The following VCAM1 variants were observed in gnomAD, a reference collection of about 807,000 sequenced individuals.
The protein encoded by VCAM1 is vascular cell adhesion molecule 1.
In VCAM1, 41 loss-of-function variants were observed where a neutral mutation model predicts 63.8. The observed-to-expected ratio is 0.64, with a 90% CI of 0.50 to 0.83. VCAM1 has a LOEUF of 0.83. Ranked by LOEUF, VCAM1 falls within the 40% of genes least tolerant of loss-of-function variation. VCAM1 has a pLI of 0.00. For missense variants in VCAM1, 798 were observed against 875.5 expected, an observed-to-expected ratio of 0.91 and a Z score of 1.12; for synonymous variants, 338 against 320.7, an observed-to-expected ratio of 1.05 and a Z score of -0.58.
At position 100,731,176 on chromosome 1, in the gene VCAM1, C is replaced by A; in HGVS notation, c.1205-22C>A. The A allele has an allele frequency of 5.8e-6, 9 of 1,563,382 alleles. No homozygotes were observed. The highest frequency in any genetic ancestry group is 1.2e-5 in the South Asian group (1 of 83,200). ...TTCCTTGAATATCAAGAATAAAAATCGTTTTTGCTTGCGATTTGCAGCATT... is the reference window on the plus strand; with the variant it reads ...TTCCTTGAATATCAAGAATAAAAATAGTTTTTGCTTGCGATTTGCAGCATT... On this transcript the variant is annotated intron_variant, in intron 5 of 8. Transcript: ENST00000294728. The surrounding 1 kb of genome is among the most constrained non-coding windows in gnomAD (Gnocchi z 4.2).
At chr1:100,728,878 T>G (rs1255967286) in intron 4 of VCAM1, among the ~76,000 whole-genome samples, 1 of 151,964 alleles carries the variant, frequency 6.6e-6, no homozygotes, top group Admixed American at 6.6e-5. Context: ...CTTGACAAAT[T>G]TTTATCTATT....
At position 100,720,561 on chromosome 1, in the gene VCAM1, A is replaced by C; in HGVS notation, c.150A>C (p.Thr50=). ...GDSVSLTCST[T]GCESPFFSWR... The stretch of plus-strand genomic sequence containing the variant: ...CCGTCTCATTGACTTGCAGCACCAC[A>C]GGCTGTGAGTCCCCATTTTTCTCTT... The change falls in exon 2 of 9, where the codon ACA becomes ACC. Residue 50 remains threonine, a synonymous_variant. Coordinates refer to ENST00000294728, the MANE Select transcript of VCAM1 (RefSeq NM_001078.4). 6.2e-7 allele frequency: 1 copy of C among 1,613,342 alleles called. No individual in the cohort carries two copies. Among genetic ancestry groups the C allele is most frequent in the Non-Finnish European group, 8.5e-7 (1 of 1,179,534 alleles).
intron 7 of VCAM1, 140 bp downstream of exon 7, chr1:100,732,824 TG>T: frequency 1.1e-6 from 1 of 923,554 alleles, no homozygotes; most frequent in Non-Finnish European, 1.5e-6. Flanking sequence ...ATGTTTCCAA[TG>T]TATGGAGAAA....
chr1:100,736,458 T>C (rs927452270), intron 8 of VCAM1: 17 of 152,294 alleles, frequency 1.1e-4, no homozygotes, highest in African/African-American at 4.1e-4. Flanking sequence ...TTAAAAGATA[T>C]TCAGTGTTTA....
intron 2 of VCAM1, among the ~76,000 whole-genome samples, chr1:100,721,597 C>T (rs1414654371): frequency 1.3e-5 from 2 of 152,008 alleles, no homozygotes; most frequent in African/African-American, 4.8e-5. Context: ...ATTATAATTA[C>T]TTTGGTTTCG....
Position 100,720,478 on chromosome 1 carries a change from C to G in VCAM1, c.67C>G (p.Gln23Glu). ...TCTGTCTTTTTTTGCTTTTGCAGCT[C>G]AAGCTTTTAAAATCGAGACCACCCC... ...NILWIMFAASQAFKIETTPES... is the reference protein window; with the variant it reads ...NILWIMFAASEAFKIETTPES... The change falls in exon 2 of 9, where the codon CAA (glutamine) becomes GAA (glutamate). Residue 23 changes from glutamine to glutamate, a missense_variant and splice_region_variant. Coordinates refer to ENST00000294728, the MANE Select transcript of VCAM1 (RefSeq NM_001078.4). 1 of 1,603,948 alleles carries G rather than the reference C, an allele frequency of 6.2e-7. No homozygotes were observed. The highest frequency in any genetic ancestry group is 8.5e-7 in the Non-Finnish European group (1 of 1,173,390).
rs1181516807 is a variant in VCAM1, at chr1:100,738,936, A to G, written c.*653A>G. 1.3e-5 allele frequency: 2 copies of G among 151,976 alleles called. No homozygotes were observed. Among genetic ancestry groups the G allele is most frequent in the Admixed American group, 1.3e-4 (2 of 15,266 alleles). 9.4% of individuals were successfully genotyped at this position (151,976 alleles called of 1,614,324 possible). A position where few individuals can be genotyped will look rare whatever the true frequency, so the allele number is the denominator to read the frequency against. ...ATGTTTCACGAAGTTTGTTCATCAG[A>G]CTCCTGTGCAACTTTCCCAATGTGG... On this transcript the variant is annotated 3_prime_UTR_variant, in exon 9 of 9. Coordinates refer to ENST00000294728, the MANE Select transcript of VCAM1 (RefSeq NM_001078.4).
At chr1:100,726,539 CT>C (rs1188443457) in intron 4 of VCAM1, among the ~76,000 whole-genome samples, 1 of 152,028 alleles carries the variant, frequency 6.6e-6, no homozygotes, top group Non-Finnish European at 1.5e-5. Flanking sequence ...CTGGCAAAAT[CT>C]TAGCCATTCT....
At chr1:100,733,591 A>G (rs2209627) in intron 7 of VCAM1, among the ~76,000 whole-genome samples, 25,393 of 152,154 alleles carry the variant, frequency 0.17, 2,329 homozygotes, top group Admixed American at 0.24. Context: ...AAAATAGAAG[A>G]CCTTAATAGG....
Position 100,738,176 on chromosome 1 carries a change from G to A in VCAM1, c.2113G>A (p.Ala705Thr). The change falls in exon 9 of 9, where the codon GCA becomes ACA. Residue 705 changes from alanine (A) to threonine (T), a missense_variant. Physicochemically the swap from Ala to Thr is moderately conservative, Grantham distance 58. Coordinates refer to ENST00000294728, the MANE Select transcript of VCAM1 (RefSeq NM_001078.4). ...FSPELLVLYF[A>T]SSLIIPAIGM... ...TCCTGAGCTTCTCGTGCTCTATTTT[G>A]CATCCTCCTTAATAATACCTGCCAT... is the stretch of plus-strand genomic sequence containing the variant. The A allele has an allele frequency of 6.2e-7, 1 of 1,613,710 alleles. No homozygotes were observed. The highest frequency in any genetic ancestry group is 8.5e-7 in the Non-Finnish European group (1 of 1,179,762).
intron 8 of VCAM1, chr1:100,737,121 G>C (rs545712551): frequency 5.9e-5 from 9 of 152,094 alleles, no homozygotes; most frequent in Non-Finnish European, 1.2e-4. Flanking sequence ...TAAAGTTTTT[G>C]TATGCTGTTA....
In VCAM1 at chr1:100,732,741, C is replaced by A. The variant is rs939626673; in HGVS notation, c.1792+57C>A. ...GCTAGTAATGTTTTTGGTTATGTTA[C>A]TGATTATGAGTAAAGTCTTTGAAAA... is the stretch of plus-strand genomic sequence containing the variant. On this transcript the variant is annotated intron_variant, in intron 7 of 8. Transcript: ENST00000294728. 16 of 1,488,486 alleles carry A rather than the reference C, an allele frequency of 1.1e-5. No individual in the cohort carries two copies. In the African/African-American group the frequency reaches 2.1e-4, roughly 20 times the overall value. 92.2% of individuals were successfully genotyped at this position (1,488,486 alleles called of 1,614,324 possible).
chr1:100,732,194 A>C (rs987211623), intron 6 of VCAM1, among the ~76,000 whole-genome samples: 1 of 152,168 alleles, frequency 6.6e-6, no homozygotes, highest in African/African-American at 2.4e-5. Flanking sequence ...GGAAGTGTAT[A>C]CTGAACTTAC....
chr1:100,720,659 A>C lies in VCAM1; in HGVS notation c.248A>C (p.Asn83Thr). ...NEGTTSTLTMNPVSFGNEHSY... is the reference protein window; with the variant it reads ...NEGTTSTLTMTPVSFGNEHSY... The stretch of plus-strand genomic sequence containing the variant: ...GGGACCACATCTACGCTGACAATGA[A>C]TCCTGTTAGTTTTGGGAACGAACAC... Residue 83 changes from asparagine to threonine, a missense_variant, in exon 2 of 9, where the codon AAT (asparagine) becomes ACT (threonine). Coordinates refer to ENST00000294728, the MANE Select transcript of VCAM1 (RefSeq NM_001078.4). 1 of 1,613,258 alleles carries C rather than the reference A, an allele frequency of 6.2e-7. No homozygotes were observed. The highest frequency in any genetic ancestry group is 8.5e-7 in the Non-Finnish European group (1 of 1,179,536).
At chr1:100,721,982 A>C (rs1659969387) in intron 2 of VCAM1, among the ~76,000 whole-genome samples, 1 of 152,082 alleles carries the variant, frequency 6.6e-6, no homozygotes, top group Admixed American at 6.6e-5. Flanking sequence ...AAGATTTAAG[A>C]AAGAGAAATG....
intron 2 of VCAM1, among the ~76,000 whole-genome samples, chr1:100,721,308 T>C (rs1659941906): frequency 6.6e-6 from 1 of 152,054 alleles, no homozygotes. Context: ...TTAGGATTTT[T>C]TTTTGGTTTT....
At chr1:100,723,382 C>T (rs1295086621) in intron 3 of VCAM1, 42 bp downstream of exon 3, 9 of 1,585,200 alleles carry the variant, frequency 5.7e-6, no homozygotes, top group Non-Finnish European at 6.9e-6. Flanking sequence ...GTGGGAATCC[C>T]ACCTTGGTTG....
intron 3 of VCAM1, 63 bp downstream of exon 3, chr1:100,723,403 T>C: frequency 6.7e-7 from 1 of 1,493,944 alleles, no homozygotes; most frequent in Non-Finnish European, 9.0e-7. Flanking sequence ...TGTATAGCAA[T>C]AAACTTAGCA....
At chr1:100,732,735 A>T in intron 7 of VCAM1, 51 bp downstream of exon 7, 1 of 1,492,862 alleles carries the variant, frequency 6.7e-7, no homozygotes. Flanking sequence ...GTTTTTGGTT[A>T]TGTTACTGAT....
Sources: allele counts gnomAD v4.1 joint callset (sites outside exome capture counted in the v4.1 genomes callset), GRCh38; gene constraint gnomAD v4.1.1; non-coding constraint Gnocchi (gnomAD v3.1); transcripts MANE v1.5; gene names NCBI Gene and HGNC (gene_info 2026-07-23, HGNC 2026-07-21).